NRXN1: variants seen among roughly 807,000 people sequenced by gnomAD.
NRXN1 encodes neurexin 1.
In NRXN1, 39 loss-of-function variants were observed where a neutral mutation model predicts 150.9. The ratio of observed to expected loss-of-function variants is 0.26; its 90% CI spans 0.20 to 0.34. NRXN1 has a LOEUF of 0.34. Ranked by LOEUF, NRXN1 falls within the 10% of genes least tolerant of loss-of-function variation. The pLI is 1.00. For missense variants in NRXN1, 1,815 were observed against 1,949.9 expected, an observed-to-expected ratio of 0.93 and a Z score of 1.30; for synonymous variants, 924 against 757.0, an observed-to-expected ratio of 1.22 and a Z score of -3.62.
chr2:50,705,177 G>A (rs966376940), intron 5 of NRXN1, among the ~76,000 whole-genome samples: 1 of 151,930 alleles, frequency 6.6e-6, no homozygotes, highest in East Asian at 1.9e-4. Context: ...TTTGACAAAT[G>A]TGTCTCAGTA....
In NRXN1 at chr2:50,704,785, G is replaced by T. The variant is rs141299051; in HGVS notation, c.833-81170C>A. On this transcript the variant is annotated intron_variant, in intron 5 of 22. Coordinates refer to ENST00000401669, the MANE Select transcript of NRXN1 (RefSeq NM_001330078.2). ...CTGGCACAAATAAATACCAATGAAA[G>T]AAATAAGAAAATATTGGCCCTTCTA... Among the ~76,000 whole-genome samples the T allele has an allele frequency of 9.6e-3, 1,461 of 151,644 alleles. 22 individuals are homozygous for T. The highest frequency in any genetic ancestry group is 0.034 in the African/African-American group (1,397 of 41,404).
intron 2 of NRXN1, among the ~76,000 whole-genome samples, chr2:50,989,936 A>G (rs772042795): frequency 6.6e-6 from 1 of 152,034 alleles, no homozygotes; most frequent in Non-Finnish European, 1.5e-5. Context: ...TCACACCAGC[A>G]ATGCATGAGA....
At chr2:50,412,120 C>G (rs546076582) in intron 17 of NRXN1, among the ~76,000 whole-genome samples, 3 of 152,128 alleles carry the variant, frequency 2.0e-5, no homozygotes, top group South Asian at 4.2e-4. Context: ...AGGCAGCATA[C>G]TCATTAAGTC....
At chr2:50,098,830 G>GGTTTTTTTTTTTT (rs1700589589) in intron 18 of NRXN1, among the ~76,000 whole-genome samples, 1 of 105,542 alleles carries the variant, frequency 9.5e-6, no homozygotes, top group African/African-American at 3.5e-5. Context: ...TTTGGTTTTA[G>GGTTTTTTTTTTTT]TTTTTTTTTT....
chr2:50,213,060 C>T (rs1265920339), intron 18 of NRXN1, among the ~76,000 whole-genome samples: 1 of 151,866 alleles, frequency 6.6e-6, no homozygotes, highest in African/African-American at 2.4e-5. Context: ...TAGAAATTAA[C>T]ATTGGTACCA....
At chr2:50,994,459 C>A (rs1056677384) in intron 2 of NRXN1, among the ~76,000 whole-genome samples, 4 of 151,986 alleles carry the variant, frequency 2.6e-5, no homozygotes, top group South Asian at 4.1e-4. Context: ...TATATTATCA[C>A]GACTTTTGTT....
At chr2:50,727,545 C>T (rs1697538798) in intron 5 of NRXN1, among the ~76,000 whole-genome samples, 1 of 151,722 alleles carries the variant, frequency 6.6e-6, no homozygotes, top group South Asian at 2.1e-4. Context: ...CATGATGATC[C>T]CCAAAAGATC....
At chr2:50,168,725 G>T (rs919271977) in intron 18 of NRXN1, among the ~76,000 whole-genome samples, 16 of 152,204 alleles carry the variant, frequency 1.1e-4, no homozygotes, top group African/African-American at 3.6e-4. Flanking sequence ...TCTGGACCAG[G>T]TGGTTGACAA....
At chr2:50,077,487 T>G (rs1251235180) in intron 19 of NRXN1, among the ~76,000 whole-genome samples, 1 of 152,174 alleles carries the variant, frequency 6.6e-6, no homozygotes, top group African/African-American at 2.4e-5. Flanking sequence ...TAAAAAAGCT[T>G]CCTTTTGCTT....
At chr2:50,289,896 A>C (rs1469879889) in intron 17 of NRXN1, among the ~76,000 whole-genome samples, 1 of 152,170 alleles carries the variant, frequency 6.6e-6, no homozygotes, top group Admixed American at 6.5e-5. Context: ...AAAAGGAAAA[A>C]TATAATATTT....
chr2:50,481,756 G>GTTTT (rs1553677617), intron 15 of NRXN1, among the ~76,000 whole-genome samples: 6 of 67,660 alleles, frequency 8.9e-5, no homozygotes, highest in African/African-American at 2.7e-4. Context: ...CTGAACTTTT[G>GTTTT]TTTCTTTTTT....
intron 2 of NRXN1, among the ~76,000 whole-genome samples, chr2:51,019,584 A>G (rs772161070): frequency 6.6e-6 from 1 of 152,050 alleles, no homozygotes; most frequent in Non-Finnish European, 1.5e-5. Context: ...TTATGGTTGA[A>G]CTACCTGGTA....
intron 17 of NRXN1, among the ~76,000 whole-genome samples, chr2:50,452,546 G>T (rs1357305908): frequency 6.6e-6 from 1 of 152,096 alleles, no homozygotes; most frequent in Admixed American, 6.6e-5. Context: ...GATTTAAAAA[G>T]AAATAAATAT....
intron 5 of NRXN1, among the ~76,000 whole-genome samples, chr2:50,859,838 TTGTG>T (rs58904379): frequency 0.015 from 2,271 of 147,638 alleles, 24 homozygotes; most frequent in East Asian, 0.067. Context: ...ACAATTATGT[TTGTG>T]TGTGTGTGTG....
At chr2:50,147,094 T>A (rs1461138885) in intron 18 of NRXN1, among the ~76,000 whole-genome samples, 1 of 151,746 alleles carries the variant, frequency 6.6e-6, no homozygotes, top group African/African-American at 2.4e-5. Context: ...AATAGTTGGC[T>A]ATTTCAGATG....
intron 22 of NRXN1, among the ~76,000 whole-genome samples, chr2:49,942,482 T>C (rs1230602995): frequency 1.3e-5 from 2 of 152,184 alleles, no homozygotes; most frequent in Admixed American, 6.5e-5. Flanking sequence ...AATTCATTAC[T>C]TTCTTGTGAC....
At chr2:50,174,710 GT>G (rs1249646204) in intron 18 of NRXN1, 1 of 151,940 alleles carries the variant, frequency 6.6e-6, no homozygotes, top group East Asian at 1.9e-4. Flanking sequence ...ACCTTATAAT[GT>G]TGTTGGAAGG....
rs202110758 is a variant in NRXN1 at position 50,623,368 on chromosome 2, T to G, written c.1080A>C (p.Gly360=). ...AFEALVEPVN[G]KFNDNAWHDV... ...CATGCCAGGCATTATCATTAAACTT[T>G]CCATTCACAGGCTCCACTAGTGCTT... The change falls in exon 6 of 23, where the codon GGA becomes GGC. Residue 360 remains glycine, a synonymous_variant. Coordinates refer to ENST00000401669, the MANE Select transcript of NRXN1 (RefSeq NM_001330078.2). 7 of 1,613,288 alleles carry G rather than the reference T, an allele frequency of 4.3e-6. No homozygotes were observed. The South Asian group carries it at 7.7e-5, about 18-fold the overall frequency.
intron 17 of NRXN1, among the ~76,000 whole-genome samples, chr2:50,300,316 T>C (rs1319457399): frequency 6.6e-6 from 1 of 152,180 alleles, no homozygotes; most frequent in African/African-American, 2.4e-5. Flanking sequence ...TGAGTTATAC[T>C]TGTTGTCACA....
Sources: gnomAD v4.1 joint callset for allele counts (sites outside exome capture counted in the v4.1 genomes callset) on GRCh38, gnomAD v4.1.1 for gene constraint, MANE v1.5 for transcripts, NCBI Gene and HGNC (gene_info 2026-07-23, HGNC 2026-07-21) for gene names.